TRIM5: variants seen among roughly 807,000 people sequenced by gnomAD.
TRIM5 encodes tripartite motif containing 5.
Under a neutral mutation model 35.6 loss-of-function variants are expected in TRIM5, and 31 were observed. The observed-to-expected ratio is 0.87, with a 90% CI of 0.65 to 1.18. The LOEUF (loss-of-function observed/expected upper bound fraction) is 1.18. Ranked by LOEUF, TRIM5 falls within the 50% of genes most tolerant of loss-of-function variation. The pLI is 0.00. For missense variants in TRIM5, 609 were observed against 591.6 expected (o/e 1.03, Z -0.31); for synonymous variants, 243 against 215.6 (o/e 1.13, Z -1.11).
chr11:5,603,184 G>A, the TRIM5 span: 81 of 1,563,476 alleles, frequency 5.2e-5, no homozygotes, highest in Non-Finnish European at 6.1e-5. Flanking sequence ...TGGGCAGTCA[G>A]TATTCCCTTA....
the TRIM5 span, among the ~76,000 whole-genome samples, chr11:5,592,643 G>A: frequency 1.3e-5 from 2 of 152,172 alleles, no homozygotes; most frequent in South Asian, 2.1e-4. Flanking sequence ...GGGGCCAGGC[G>A]TGGTGGCTCA....
the TRIM5 span, among the ~76,000 whole-genome samples, chr11:5,639,082 T>A: frequency 6.6e-6 from 1 of 152,150 alleles, no homozygotes; most frequent in Non-Finnish European, 1.5e-5. Flanking sequence ...TGGTACAAGT[T>A]GTATGTCTAA....
the TRIM5 span, chr11:5,642,859 T>C: frequency 6.2e-7 from 1 of 1,613,858 alleles, no homozygotes; most frequent in South Asian, 1.1e-5. Flanking sequence ...AAAAAGTTAG[T>C]CTTTAAATAA....
the TRIM5 span, among the ~76,000 whole-genome samples, chr11:5,601,810 G>T: frequency 2.2e-4 from 33 of 152,204 alleles, no homozygotes; most frequent in African/African-American, 6.7e-4. Flanking sequence ...TGTTTCTTTG[G>T]TTTTTTTCTG....
At chr11:5,607,594 A>C in the TRIM5 span, among the ~76,000 whole-genome samples, 2 of 152,374 alleles carry the variant, frequency 1.3e-5, no homozygotes, top group African/African-American at 4.8e-5. Context: ...TAGCAGTGGC[A>C]GTGATAAAGG....
chr11:5,613,806 G>A, the TRIM5 span, among the ~76,000 whole-genome samples: 25,383 of 152,140 alleles, frequency 0.17, 2,154 homozygotes, highest in East Asian at 0.3. Context: ...TTCCCAAAAT[G>A]TGAGTGCTTG....
the TRIM5 span, chr11:5,610,233 C>T: frequency 2.2e-5 from 35 of 1,613,806 alleles, no homozygotes; most frequent in South Asian, 1.2e-4. Context: ...AAGGATGCTG[C>T]GAGTGTGTAG....
the TRIM5 span, among the ~76,000 whole-genome samples, chr11:5,649,886 G>A: frequency 3.9e-5 from 6 of 152,138 alleles, no homozygotes; most frequent in African/African-American, 2.4e-5. Flanking sequence ...GCCCCAATCC[G>A]GGAAGATACT....
chr11:5,680,005 C>T lies in TRIM5; in HGVS notation c.173G>A (p.Cys58Tyr), dbSNP rs61432120. The part of the protein sequence containing the change: ...LDKGESSCPV[C>Y]RISYQPENIR... ...GTTCTCAGGCTGGTAACTGATCCGG[C>T]ACACAGGGCAGCTACTCTCTCCTTT... Residue 58 changes from cysteine to tyrosine, a missense_variant, in exon 2 of 8, where the codon TGC (cysteine) becomes TAC (tyrosine). Transcript: ENST00000380034. 9.8e-5 allele frequency: 158 copies of T among 1,614,118 alleles called. No homozygotes were observed. The African/African-American group carries it at 2.1e-3, about 21-fold the overall frequency.
Position 5,664,519 on chromosome 11 carries a change from A to T in TRIM5, c.*290T>A. The T allele has an allele frequency of 9.1e-7, 1 of 1,102,472 alleles. No homozygotes were observed. The highest frequency in any genetic ancestry group is 1.1e-6 in the Non-Finnish European group (1 of 903,842). The allele number at this position is 1,102,472 out of a possible 1,614,324, so 68.3% of individuals were successfully genotyped here. On this transcript the variant is annotated 3_prime_UTR_variant, in exon 8 of 8. Coordinates refer to ENST00000380034, the MANE Select transcript of TRIM5 (RefSeq NM_033034.3). The stretch of plus-strand genomic sequence containing the variant: ...TGTCAGAGGCAATTGGGTGATAAAT[A>T]TCTGGCAGAAGTAATACCTAAATAG...
chr11:5,639,886 T>C, the TRIM5 span, among the ~76,000 whole-genome samples: 1 of 152,088 alleles, frequency 6.6e-6, no homozygotes, highest in African/African-American at 2.4e-5. Context: ...TACATAGATT[T>C]TGGCACAGGT....
At chr11:5,643,856 A>C in the TRIM5 span, 4 of 1,047,084 alleles carry the variant, frequency 3.8e-6, no homozygotes, top group Non-Finnish European at 5.4e-6. Flanking sequence ...ATTTGGCTTG[A>C]GTTATGAGAG....
the TRIM5 span, chr11:5,610,336 T>C: frequency 6.3e-7 from 1 of 1,591,998 alleles, no homozygotes; most frequent in Non-Finnish European, 8.6e-7. Context: ...TATTTGAGCA[T>C]AGTGGCAAAG....
chr11:5,599,274 T>A, the TRIM5 span, among the ~76,000 whole-genome samples: 13 of 152,200 alleles, frequency 8.5e-5, no homozygotes, highest in African/African-American at 3.1e-4. Flanking sequence ...TCAAGAGAAT[T>A]GGGTACGCTA....
the TRIM5 span, among the ~76,000 whole-genome samples, chr11:5,601,282 G>A: frequency 6.6e-6 from 1 of 152,196 alleles, no homozygotes; most frequent in Non-Finnish European, 1.5e-5. Flanking sequence ...CCCTGGAAAG[G>A]TTAGGTTATG....
chr11:5,662,038 T>G (rs1473609295), downstream of TRIM5, among the ~76,000 whole-genome samples: 1 of 152,292 alleles, frequency 6.6e-6, no homozygotes, highest in African/African-American at 2.4e-5. Flanking sequence ...TCAATCTTCA[T>G]AGCATTGGGT....
chr11:5,603,318 T>G, the TRIM5 span: 1 of 1,614,088 alleles, frequency 6.2e-7, no homozygotes, highest in East Asian at 2.2e-5. Flanking sequence ...CTACAATGAC[T>G]TCACCAGTAC....
In TRIM5 at chr11:5,679,220, T is replaced by C. The variant is rs376637129; in HGVS notation, c.418-51A>G. 4.1e-6 allele frequency: 6 copies of C among 1,471,856 alleles called. No homozygotes were observed. In the African/African-American group the frequency reaches 8.4e-5, roughly 21 times the overall value. 91.2% of individuals were successfully genotyped at this position (1,471,856 alleles called of 1,614,324 possible). On this transcript the variant is annotated intron_variant, in intron 2 of 7. Transcript: ENST00000380034. ...TCAAGCTATGAGGTTTTCCAGCACCTAGATAGAGTATAAACATGAAATAAA... is the reference window on the plus strand; with the variant it reads ...TCAAGCTATGAGGTTTTCCAGCACCCAGATAGAGTATAAACATGAAATAAA...
chr11:5,656,559 G>A, the TRIM5 span, among the ~76,000 whole-genome samples: 7 of 152,168 alleles, frequency 4.6e-5, no homozygotes, highest in Middle Eastern at 3.4e-3. Context: ...TCTCCATGTT[G>A]GTCAGGCTGG....
Sources: allele counts gnomAD v4.1 joint callset (sites outside exome capture counted in the v4.1 genomes callset), GRCh38; gene constraint gnomAD v4.1.1; transcripts MANE v1.5; gene names NCBI Gene and HGNC (gene_info 2026-07-23, HGNC 2026-07-21).